The following EYA2 variants were observed in gnomAD, a reference collection of about 807,000 sequenced individuals.
The protein encoded by EYA2 is protein phosphatase EYA2.
In EYA2, 31 loss-of-function variants were observed where a neutral mutation model predicts 69.2. The ratio of observed to expected loss-of-function variants is 0.45; its 90% CI spans 0.34 to 0.60. The LOEUF (loss-of-function observed/expected upper bound fraction) is 0.60, where lower values mean the gene tolerates loss of function less well. EYA2 is among the 20% of genes least tolerant of loss of function. EYA2 has a pLI of 0.02. For missense variants in EYA2, 622 were observed against 701.2 expected (o/e 0.89, Z 1.28); for synonymous variants, 257 against 279.4 (o/e 0.92, Z 0.80).
intron 5 of EYA2, among the ~76,000 whole-genome samples, chr20:47,034,155 A>G (rs1429399534): frequency 6.6e-6 from 1 of 152,224 alleles, no homozygotes; most frequent in Non-Finnish European, 1.5e-5. Context: ...AGACAACAGT[A>G]TTTGGCTAGA....
intron 9 of EYA2, among the ~76,000 whole-genome samples, chr20:47,102,923 C>T (rs1012325309): frequency 2.0e-4 from 31 of 152,132 alleles, no homozygotes; most frequent in Admixed American, 2.0e-3. Flanking sequence ...GCAAGGTGGT[C>T]AAGAGCCTTT....
intron 5 of EYA2, among the ~76,000 whole-genome samples, chr20:47,053,314 C>T (rs568619348): frequency 2.6e-5 from 4 of 152,312 alleles, no homozygotes; most frequent in African/African-American, 9.6e-5. Context: ...GCGAATGCCA[C>T]GGACATGCTG....
In EYA2 at chr20:47,179,837, T is replaced by A; in HGVS notation, c.1238T>A (p.Leu413His). The change falls in exon 13 of 16, where the codon CTC (leucine) becomes CAC (histidine). Residue 413 changes from leucine (L) to histidine (H), a missense_variant. Transcript: ENST00000327619. ...CCCAAAAGGGAGACCTGGCTACAGC[T>A]CCGAGCTGAGCTGGAAGCTCTCACA... ...GTPKRETWLQLRAELEALTDL... is the reference protein window; with the variant it reads ...GTPKRETWLQHRAELEALTDL... The A allele has an allele frequency of 6.2e-7, 1 of 1,614,104 alleles. No individual in the cohort carries two copies. The highest frequency in any genetic ancestry group is 8.5e-7 in the Non-Finnish European group (1 of 1,179,992).
intron 3 of EYA2, among the ~76,000 whole-genome samples, chr20:47,003,630 A>C (rs115205699): frequency 0.013 from 2,002 of 152,372 alleles, 51 homozygotes; most frequent in African/African-American, 0.044. Flanking sequence ...AAATTAGGAA[A>C]AAAAATAACT....
At chr20:47,050,121 A>AGATCACAAATCCTGTATCTGTCT (rs1186338685) in intron 5 of EYA2, among the ~76,000 whole-genome samples, 1 of 152,168 alleles carries the variant, frequency 6.6e-6, no homozygotes, top group African/African-American at 2.4e-5. Context: ...GTGCCTCGTA[A>AGATCACAAATCCTGTATCTGTCT]GATCACAAAT....
At chr20:47,083,510 G>A (rs1046161698) in intron 7 of EYA2, among the ~76,000 whole-genome samples, 8 of 150,256 alleles carry the variant, frequency 5.3e-5, no homozygotes, top group African/African-American at 1.7e-4. Flanking sequence ...CCAGGGAGGT[G>A]GAGGTTGCAG....
intron 1 of EYA2, among the ~76,000 whole-genome samples, chr20:46,987,143 G>T (rs1377344388): frequency 1.3e-5 from 2 of 152,134 alleles, no homozygotes; most frequent in Non-Finnish European, 2.9e-5. Context: ...AATACCTTCG[G>T]CTCTGCAGGC....
At chr20:47,057,001 A>G (rs1289256407) in intron 5 of EYA2, among the ~76,000 whole-genome samples, 2 of 150,338 alleles carry the variant, frequency 1.3e-5, no homozygotes, top group African/African-American at 4.9e-5. Context: ...AGCTAAGATC[A>G]CACGTCTACA....
chr20:47,165,536 G>A (rs1437559925), intron 10 of EYA2, among the ~76,000 whole-genome samples: 9 of 152,076 alleles, frequency 5.9e-5, no homozygotes, highest in African/African-American at 1.2e-4. Context: ...CCCTGCTGCC[G>A]TTGGTCTCCA....
chr20:46,908,562 G>A (rs1409232351), intron 1 of EYA2, among the ~76,000 whole-genome samples: 4 of 152,174 alleles, frequency 2.6e-5, no homozygotes, highest in East Asian at 1.9e-4. Flanking sequence ...AGTACATAGA[G>A]CCTAAATCTG....
At chr20:46,926,210 G>GA (rs1289885531) in intron 1 of EYA2, among the ~76,000 whole-genome samples, 1 of 152,048 alleles carries the variant, frequency 6.6e-6, no homozygotes, top group Non-Finnish European at 1.5e-5. Flanking sequence ...CAGAGAAACA[G>GA]AAAAAAATAG....
intron 1 of EYA2, among the ~76,000 whole-genome samples, chr20:46,924,927 TC>T: frequency 6.6e-6 from 1 of 152,168 alleles, no homozygotes; most frequent in Non-Finnish European, 1.5e-5. Context: ...ATTTACTCTC[TC>T]CGGAGGTGGA....
chr20:47,143,764 C>G (rs545205803), intron 10 of EYA2, among the ~76,000 whole-genome samples: 1 of 152,078 alleles, frequency 6.6e-6, no homozygotes, highest in Non-Finnish European at 1.5e-5. Flanking sequence ...GAATGGGAAA[C>G]ATATTTAGAA....
At chr20:46,966,583 C>T (rs1201806680) in intron 1 of EYA2, among the ~76,000 whole-genome samples, 2 of 152,186 alleles carry the variant, frequency 1.3e-5, no homozygotes, top group Admixed American at 6.5e-5. Context: ...CCGAGGTGGG[C>T]GGATCACGAG....
chr20:47,051,850 T>C (rs1274506938), intron 5 of EYA2, among the ~76,000 whole-genome samples: 1 of 147,648 alleles, frequency 6.8e-6, no homozygotes, highest in Non-Finnish European at 1.5e-5. Context: ...GCTCTGTTGT[T>C]TTCCTTTTTG....
intron 9 of EYA2, among the ~76,000 whole-genome samples, chr20:47,134,492 C>G (rs1276497491): frequency 6.6e-6 from 1 of 152,162 alleles, no homozygotes; most frequent in Admixed American, 6.5e-5. Flanking sequence ...GTTTTAAGCA[C>G]TTAAACAGTC....
At chr20:46,903,899 T>C (rs1984233875) in intron 1 of EYA2, among the ~76,000 whole-genome samples, 1 of 152,194 alleles carries the variant, frequency 6.6e-6, no homozygotes, top group Admixed American at 6.5e-5. Context: ...AGGCGATACA[T>C]GGAAAACACT....
At chr20:46,947,215 A>C (rs1333226627) in intron 1 of EYA2, among the ~76,000 whole-genome samples, 1 of 151,880 alleles carries the variant, frequency 6.6e-6, no homozygotes, top group African/African-American at 2.4e-5. Context: ...TCCCAAACTC[A>C]TCTTAGAACT....
intron 1 of EYA2, among the ~76,000 whole-genome samples, chr20:46,942,582 A>G (rs149643299): frequency 6.6e-6 from 1 of 152,290 alleles, no homozygotes; most frequent in Admixed American, 6.5e-5. Context: ...ACTTACCCAC[A>G]TGGCCCAGCT....
Sources: allele counts gnomAD v4.1 joint callset (sites outside exome capture counted in the v4.1 genomes callset), GRCh38; gene constraint gnomAD v4.1.1; transcripts MANE v1.5; gene names NCBI Gene and HGNC (gene_info 2026-07-23, HGNC 2026-07-21).